Variants in MED12L observed in about 807,000 individuals in gnomAD.
MED12L encodes mediator complex subunit 12L.
Under a neutral mutation model 281.3 loss-of-function variants are expected in MED12L, and 60 were observed. The ratio of observed to expected loss-of-function variants is 0.21; its 90% CI spans 0.17 to 0.26. The LOEUF (loss-of-function observed/expected upper bound fraction) is 0.26. Ranked by LOEUF, MED12L falls within the 10% of genes least tolerant of loss-of-function variation. MED12L has a pLI of 1.00. For synonymous variants in MED12L, 974 were observed against 987.2 expected (o/e 0.99, Z 0.25); for missense variants, 2,146 against 2,680.9 (o/e 0.80, Z 4.41).
chr3:151,160,095 G>A lies in MED12L; in HGVS notation c.1101G>A (p.Met367Ile). ...CCCTGGTTTATGGACTTAGTTGTATGTTGCAGGTAAGTCCTTGGCCCTTGT... is the reference window on the plus strand; with the variant it reads ...CCCTGGTTTATGGACTTAGTTGTATATTGCAGGTAAGTCCTTGGCCCTTGT... Reference protein sequence around the residue: ...HGPLVYGLSCMLQTVTLCCPS... With the variant: ...HGPLVYGLSCILQTVTLCCPS... The change falls in exon 8 of 45, where the codon ATG becomes ATA. Residue 367 changes from methionine (M) to isoleucine (I), a missense_variant. Met to Ile is a conservative substitution (Grantham distance 10). This residue lies in a region of MED12L where 722 missense variants were observed against 861.2 expected (regional missense o/e 0.84). Coordinates refer to ENST00000687756, the MANE Select transcript of MED12L (RefSeq NM_001393769.1). 1.3e-6 allele frequency: 2 copies of A among 1,590,782 alleles called. No individual in the cohort carries two copies. Among genetic ancestry groups the A allele is most frequent in the Non-Finnish European group, 1.7e-6 (2 of 1,165,740 alleles).
At chr3:151,383,731 C>A in intron 33 of MED12L, 48 bp from the exon 34 acceptor site, 1 of 1,275,160 alleles carries the variant, frequency 7.8e-7, no homozygotes, top group Non-Finnish European at 1.1e-6. Flanking sequence ...ATGGGGTGTT[C>A]TTTCTGTTTT....
intron 27 of MED12L, among the ~76,000 whole-genome samples, 175 bp downstream of exon 27, chr3:151,372,941 T>C (rs1187906292): frequency 6.6e-6 from 1 of 152,222 alleles, no homozygotes; most frequent in Non-Finnish European, 1.5e-5. Flanking sequence ...AAAACTCATG[T>C]CCATCCTTTA....
chr3:151,243,432 A>C lies in MED12L; in HGVS notation c.2250+49766A>C, dbSNP rs374680436. Reference sequence around the variant, plus strand: ...CAGCGGATCTCTCGGCAGAAACCCTACAAGCCAGAAGAGAGTGGGGGCCAA... The same window carrying C: ...CAGCGGATCTCTCGGCAGAAACCCTCCAAGCCAGAAGAGAGTGGGGGCCAA... On this transcript the variant is annotated intron_variant, in intron 16 of 44. Transcript: ENST00000687756. 6.7e-4 allele frequency among the ~76,000 whole-genome samples: 102 copies of C among 152,166 alleles called. 1 individual carries two copies. In the East Asian group the frequency reaches 9.9e-3, roughly 15 times the overall value.
intron 11 of MED12L, among the ~76,000 whole-genome samples, chr3:151,171,323 C>G (rs186043274): frequency 4.6e-5 from 7 of 152,296 alleles, no homozygotes; most frequent in Admixed American, 4.6e-4. Flanking sequence ...AGACCACTTC[C>G]TTCCTCTTGG....
intron 16 of MED12L, among the ~76,000 whole-genome samples, chr3:151,311,327 G>A (rs1193065769): frequency 6.6e-6 from 1 of 151,554 alleles, no homozygotes; most frequent in East Asian, 1.9e-4. Flanking sequence ...TAAACTGTGT[G>A]TGTGTGTATA....
chr3:151,300,058 A>G, intron 16 of MED12L: 1 of 1,583,788 alleles, frequency 6.3e-7, no homozygotes, highest in Non-Finnish European at 8.7e-7. Context: ...ATCTCTTACG[A>G]CGGCTTACTT....
intron 16 of MED12L, among the ~76,000 whole-genome samples, chr3:151,250,059 A>G (rs1295327851): frequency 2.6e-5 from 4 of 152,130 alleles, no homozygotes; most frequent in African/African-American, 7.2e-5. Context: ...TTTATTAGCA[A>G]TCATCCAGTC....
At chr3:151,370,150 G>A (rs1240851755) in intron 26 of MED12L, among the ~76,000 whole-genome samples, 1 of 152,030 alleles carries the variant, frequency 6.6e-6, no homozygotes, top group Non-Finnish European at 1.5e-5. Flanking sequence ...TTATTTGTAA[G>A]AATTTTCCTG....
chr3:151,128,915 G>A (rs1383331645), intron 5 of MED12L, among the ~76,000 whole-genome samples: 1 of 152,200 alleles, frequency 6.6e-6, no homozygotes, highest in Admixed American at 6.5e-5. Context: ...GAGTTATGCT[G>A]GCCATGGTCA....
chr3:151,318,779 C>G (rs1748620190), intron 16 of MED12L, among the ~76,000 whole-genome samples: 1 of 152,152 alleles, frequency 6.6e-6, no homozygotes, highest in South Asian at 2.1e-4. Context: ...ATAGGCCCTT[C>G]TAAGTGCGAA....
At chr3:151,105,263 T>C (rs1207657739) in intron 2 of MED12L, among the ~76,000 whole-genome samples, 3 of 152,184 alleles carry the variant, frequency 2.0e-5, no homozygotes, top group Admixed American at 2.0e-4. Flanking sequence ...TTCTTCCTTG[T>C]GTGATTAAAA....
At chr3:151,328,271 G>A (rs1469720704) in intron 16 of MED12L, 2 of 1,614,002 alleles carry the variant, frequency 1.2e-6, no homozygotes, top group East Asian at 4.5e-5. Flanking sequence ...AAAGAAGACA[G>A]CCACGACAAC....
chr3:151,350,230 T>C (rs370507053), intron 17 of MED12L, 24 bp downstream of exon 17: 32 of 1,608,180 alleles, frequency 2.0e-5, no homozygotes, highest in Non-Finnish European at 2.4e-5. Flanking sequence ...ATGCATTTGC[T>C]CCCATTGTGT....
intron 16 of MED12L, among the ~76,000 whole-genome samples, chr3:151,331,516 A>G (rs1750353299): frequency 6.6e-6 from 1 of 152,234 alleles, no homozygotes; most frequent in African/African-American, 2.4e-5. Flanking sequence ...CAGTGCTTAG[A>G]ATAATGTCTG....
chr3:151,129,522 A>G (rs1473762951), intron 5 of MED12L, among the ~76,000 whole-genome samples: 1 of 152,126 alleles, frequency 6.6e-6, no homozygotes, highest in Admixed American at 6.6e-5. Flanking sequence ...TATTTGAGGG[A>G]ATACAAAAGA....
intron 44 of MED12L, 101 bp from the exon 45 acceptor site, chr3:151,432,651 T>G (rs1719666393): frequency 1.2e-6 from 1 of 850,856 alleles, no homozygotes. Flanking sequence ...TCTGTTTCCC[T>G]GTACCTGCAG....
intron 16 of MED12L, among the ~76,000 whole-genome samples, chr3:151,228,251 G>A (rs1035632120): frequency 6.6e-6 from 1 of 152,256 alleles, no homozygotes; most frequent in Non-Finnish European, 1.5e-5. Flanking sequence ...AGAATATTGC[G>A]ATAATTATTA....
In MED12L at chr3:151,285,492, A is replaced by G. The variant is rs182860133; in HGVS notation, c.2251-64567A>G. On this transcript the variant is annotated intron_variant, in intron 16 of 44. Coordinates refer to ENST00000687756, the MANE Select transcript of MED12L (RefSeq NM_001393769.1). ...GACAGAGTGAGACTCTGTCTCAAAG[A>G]AAAAAAAAAAGAATAATACAGTGGT... 2.7e-4 allele frequency among the ~76,000 whole-genome samples: 40 copies of G among 146,522 alleles called. No individual in the cohort carries two copies. In the East Asian group the frequency reaches 7.2e-3, roughly 26 times the overall value.
At chr3:151,216,084 C>A (rs1728161406) in intron 16 of MED12L, among the ~76,000 whole-genome samples, 1 of 152,180 alleles carries the variant, frequency 6.6e-6, no homozygotes, top group African/African-American at 2.4e-5. Flanking sequence ...ACTCCTCTCT[C>A]CAGCTGTTTG....
Sources: allele counts gnomAD v4.1 joint callset (sites outside exome capture counted in the v4.1 genomes callset), GRCh38; gene constraint gnomAD v4.1.1; regional missense constraint gnomAD v4.1.1; transcripts MANE v1.5; gene names NCBI Gene and HGNC (gene_info 2026-07-23, HGNC 2026-07-21).